GRXCR1: variants seen among roughly 807,000 people sequenced by gnomAD.
GRXCR1 encodes glutaredoxin domain-containing cysteine-rich protein 1.
Under a neutral mutation model 27.3 loss-of-function variants are expected in GRXCR1, and 27 were observed. That is an observed-to-expected ratio of 0.99 (90% CI 0.73 to 1.37). The LOEUF is 1.37. GRXCR1 is among the 40% of genes most tolerant of loss of function. The pLI is 0.00. For synonymous variants in GRXCR1, 122 were observed against 131.1 expected (o/e 0.93, Z 0.47); for missense variants, 379 against 354.4 (o/e 1.07, Z -0.56).
At chr4:42,895,795 C>T (rs1474606448) in intron 1 of GRXCR1, among the ~76,000 whole-genome samples, 1 of 152,104 alleles carries the variant, frequency 6.6e-6, no homozygotes, top group Non-Finnish European at 1.5e-5. Flanking sequence ...TTCCCATAGG[C>T]ATCCCACAGA....
chr4:42,926,573 G>T (rs1288342036), intron 1 of GRXCR1, among the ~76,000 whole-genome samples: 1 of 151,396 alleles, frequency 6.6e-6, no homozygotes, highest in Non-Finnish European at 1.5e-5. Context: ...TGAATGCTTA[G>T]TTACATTGTG....
At chr4:42,931,172 A>G (rs192296653) in intron 1 of GRXCR1, among the ~76,000 whole-genome samples, 4 of 152,110 alleles carry the variant, frequency 2.6e-5, no homozygotes, top group African/African-American at 9.6e-5. Flanking sequence ...ATAAACTTTC[A>G]GTAAGGCTGA....
At chr4:43,023,648 G>T (rs1345316975) in intron 3 of GRXCR1, among the ~76,000 whole-genome samples, 1 of 152,148 alleles carries the variant, frequency 6.6e-6, no homozygotes, top group Non-Finnish European at 1.5e-5. Context: ...TTCCCACTGA[G>T]ATGTGAGCTC....
intron 2 of GRXCR1, among the ~76,000 whole-genome samples, chr4:42,984,460 A>G (rs905197183): frequency 1.3e-5 from 2 of 152,152 alleles, no homozygotes; most frequent in South Asian, 4.1e-4. Flanking sequence ...ACTGTTCTTG[A>G]TCCTTGTGGA....
chr4:43,028,762 C>G (rs1036755605), intron 3 of GRXCR1, among the ~76,000 whole-genome samples: 1 of 152,072 alleles, frequency 6.6e-6, no homozygotes, highest in Admixed American at 6.6e-5. Flanking sequence ...GCAGTGCATC[C>G]TTTTTTTAAG....
intron 1 of GRXCR1, among the ~76,000 whole-genome samples, chr4:42,923,130 G>A (rs371948526): frequency 1.3e-5 from 2 of 152,212 alleles, no homozygotes; most frequent in East Asian, 3.9e-4. Context: ...GCTCAGCAGA[G>A]GAGTCTTCTT....
chr4:43,021,246 G>C (rs1713083912), intron 3 of GRXCR1, among the ~76,000 whole-genome samples: 1 of 152,030 alleles, frequency 6.6e-6, no homozygotes, highest in African/African-American at 2.4e-5. Context: ...CTTTGTGCAA[G>C]TTGTTCTGTC....
chr4:42,934,823 G>A (rs945150858), intron 1 of GRXCR1, among the ~76,000 whole-genome samples: 1 of 151,948 alleles, frequency 6.6e-6, no homozygotes, highest in East Asian at 1.9e-4. Context: ...TGATGACGAG[G>A]CCATGTCAAT....
intron 2 of GRXCR1, among the ~76,000 whole-genome samples, chr4:42,979,306 T>C (rs77325332): frequency 0.031 from 4,646 of 152,200 alleles, 80 homozygotes; most frequent in South Asian, 0.058. Context: ...TTGAGTATGA[T>C]TTTAGCTATG....
At position 42,904,788 on chromosome 4, in the gene GRXCR1, AG is replaced by A. The variant is rs137929758; in HGVS notation, c.384+11139del. Among the ~76,000 whole-genome samples, 342 of 152,308 alleles carry A rather than the reference AG, an allele frequency of 2.2e-3. 6 individuals are homozygous for A. The East Asian group carries it at 0.039, about 18-fold the overall frequency. ...TCATTGAGGGTGCAAAGATGAAAAAAGCATGATTTCAGTCCTCAGAGAATCT... is the reference window on the plus strand; with the variant it reads ...TCATTGAGGGTGCAAAGATGAAAAAACATGATTTCAGTCCTCAGAGAATCT... On this transcript the variant is annotated intron_variant, in intron 1 of 3. Transcript: ENST00000399770.
intron 2 of GRXCR1, among the ~76,000 whole-genome samples, chr4:42,989,101 A>G (rs974339376): frequency 6.6e-6 from 1 of 152,202 alleles, no homozygotes; most frequent in Non-Finnish European, 1.5e-5. Context: ...CAGGAAACAC[A>G]CTTTCTATAA....
intron 1 of GRXCR1, among the ~76,000 whole-genome samples, chr4:42,909,661 T>G (rs141169156): frequency 3.3e-5 from 5 of 152,200 alleles, no homozygotes; most frequent in Non-Finnish European, 7.3e-5. Flanking sequence ...TGTTGCAGTA[T>G]GAAATATGAA....
chr4:42,965,655 A>G (rs1748220714), intron 2 of GRXCR1, among the ~76,000 whole-genome samples: 1 of 152,066 alleles, frequency 6.6e-6, no homozygotes, highest in Non-Finnish European at 1.5e-5. Context: ...CATTTGATTT[A>G]GTTTAAATTT....
At chr4:42,925,028 G>A in intron 1 of GRXCR1, among the ~76,000 whole-genome samples, 1 of 151,310 alleles carries the variant, frequency 6.6e-6, no homozygotes, top group Non-Finnish European at 1.5e-5. Context: ...TATATTATAT[G>A]CCAATGTATG....
chr4:42,983,537 G>A lies in GRXCR1; in HGVS notation c.627+20403G>A, dbSNP rs1392521091. On this transcript the variant is annotated intron_variant, in intron 2 of 3. Transcript: ENST00000399770. ...TGGCTTAGGATTGACTTGGCGATGCGGGCTCTTTTTTGGTTCCATATGAAC... is the reference window on the plus strand; with the variant it reads ...TGGCTTAGGATTGACTTGGCGATGCAGGCTCTTTTTTGGTTCCATATGAAC... Among the ~76,000 whole-genome samples, 6 of 151,402 alleles carry A rather than the reference G, an allele frequency of 4.0e-5. No individual in the cohort carries two copies. In the South Asian group the frequency reaches 1.3e-3, roughly 32 times the overall value.
intron 1 of GRXCR1, among the ~76,000 whole-genome samples, chr4:42,948,056 T>C (rs931954859): frequency 1.3e-5 from 2 of 152,188 alleles, no homozygotes; most frequent in Non-Finnish European, 2.9e-5. Context: ...CGTTATTTGT[T>C]TTCTTTGAAG....
intron 2 of GRXCR1, among the ~76,000 whole-genome samples, chr4:42,963,913 G>T (rs1187499745): frequency 2.6e-5 from 4 of 151,912 alleles, no homozygotes; most frequent in Non-Finnish European, 1.5e-5. Context: ...ATGGATACTT[G>T]GATCTTGGTT....
At chr4:42,984,723 G>A (rs779909158) in intron 2 of GRXCR1, among the ~76,000 whole-genome samples, 9 of 152,328 alleles carry the variant, frequency 5.9e-5, no homozygotes, top group Non-Finnish European at 1.3e-4. Flanking sequence ...TGGAACACTG[G>A]AGCAGACCAG....
intron 1 of GRXCR1, among the ~76,000 whole-genome samples, chr4:42,946,942 C>G (rs115543288): frequency 6.6e-6 from 1 of 152,160 alleles, no homozygotes; most frequent in Non-Finnish European, 1.5e-5. Flanking sequence ...CGTAATGGTG[C>G]GGAGTTAGTG....
Sources: allele counts gnomAD v4.1 joint callset (sites outside exome capture counted in the v4.1 genomes callset), GRCh38; gene constraint gnomAD v4.1.1; transcripts MANE v1.5; gene names NCBI Gene and HGNC (gene_info 2026-07-23, HGNC 2026-07-21).